Variants in CDC14B observed in about 807,000 individuals in gnomAD.
CDC14B encodes dual specificity protein phosphatase CDC14B.
In CDC14B, 22 loss-of-function variants were observed where a neutral mutation model predicts 64.2. The observed-to-expected ratio is 0.34, with a 90% CI of 0.24 to 0.49. The LOEUF (loss-of-function observed/expected upper bound fraction) is 0.49, where lower values mean the gene tolerates loss of function less well. CDC14B is among the 20% of genes least tolerant of loss of function. The probability of loss-of-function intolerance (pLI) is 0.99; values close to 1 mark genes in which losing one functional copy is unlikely to be tolerated. For missense variants in CDC14B, 498 were observed against 629.9 expected (o/e 0.79, Z 2.24); for synonymous variants, 191 against 215.8 (o/e 0.89, Z 1.01).
chr9:96,504,363 C>G (rs987831453), intron 13 of CDC14B, among the ~76,000 whole-genome samples: 1 of 152,120 alleles, frequency 6.6e-6, no homozygotes, highest in Non-Finnish European at 1.5e-5. Context: ...CAGTTCACGA[C>G]GCTACACTTT....
intron 1 of CDC14B, among the ~76,000 whole-genome samples, chr9:96,576,523 C>G (rs1265429869): frequency 1.3e-5 from 2 of 148,854 alleles, no homozygotes; most frequent in Non-Finnish European, 3.0e-5. Context: ...ATCCCAGATA[C>G]TCAGGAAGCT....
intron 5 of CDC14B, among the ~76,000 whole-genome samples, chr9:96,545,455 C>A (rs1341254964): frequency 2.0e-5 from 3 of 151,646 alleles, no homozygotes; most frequent in Non-Finnish European, 2.9e-5. Flanking sequence ...ATAACTGGGA[C>A]TACAGGCGCC....
At chr9:96,603,915 C>G (rs1031986229) in intron 1 of CDC14B, among the ~76,000 whole-genome samples, 4 of 152,180 alleles carry the variant, frequency 2.6e-5, no homozygotes, top group Non-Finnish European at 2.9e-5. Flanking sequence ...GATTAGAAAC[C>G]CTGGAACAAT....
chr9:96,595,910 C>G (rs1316101087), intron 1 of CDC14B, among the ~76,000 whole-genome samples: 2 of 152,064 alleles, frequency 1.3e-5, no homozygotes, highest in Non-Finnish European at 2.9e-5. Flanking sequence ...TCTACAAATA[C>G]TCCATTTATT....
At position 96,533,999 on chromosome 9, in the gene CDC14B, T is replaced by G; in HGVS notation, c.874A>C (p.Thr292Pro). 2 of 1,612,974 alleles carry G rather than the reference T, an allele frequency of 1.2e-6. No homozygotes were observed. The highest frequency in any genetic ancestry group is 2.2e-5 in the South Asian group (2 of 90,838). ...DLFFADGSTP[T>P]DAIVKEFLDI... ...AGGAATTCTTTGACAATGGCATCAGTAGGGGTGCTGCCATCCGCAAAGAAA... is the reference window on the plus strand; with the variant it reads ...AGGAATTCTTTGACAATGGCATCAGGAGGGGTGCTGCCATCCGCAAAGAAA... Residue 292 changes from threonine (T) to proline (P), a missense_variant, in exon 9 of 14, where the codon ACT becomes CCT. Transcript: ENST00000375241.
chr9:96,567,520 G>A (rs1224992335), intron 1 of CDC14B, among the ~76,000 whole-genome samples: 1 of 152,242 alleles, frequency 6.6e-6, no homozygotes, highest in African/African-American at 2.4e-5. Context: ...CAGAGAAAAC[G>A]CTTTTAATTG....
intron 1 of CDC14B, among the ~76,000 whole-genome samples, chr9:96,589,180 C>CA (rs11445529): frequency 0.06 from 8,996 of 150,828 alleles, 888 homozygotes; most frequent in African/African-American, 0.21. Flanking sequence ...TACTAAAATA[C>CA]AAAAAAAAAT....
intron 4 of CDC14B, among the ~76,000 whole-genome samples, chr9:96,560,555 T>G (rs1843006865): frequency 6.6e-6 from 1 of 151,670 alleles, no homozygotes; most frequent in African/African-American, 2.4e-5. Context: ...TTTTCTTTCT[T>G]GGGTTCATAC....
At position 96,548,860 on chromosome 9, in the gene CDC14B, T is replaced by C. The variant is rs146272398; in HGVS notation, c.497+2936A>G. 2.9e-4 allele frequency among the ~76,000 whole-genome samples: 44 copies of C among 151,732 alleles called. 1 individual carries two copies. In the East Asian group the frequency reaches 6.2e-3, roughly 21 times the overall value. On this transcript the variant is annotated intron_variant, in intron 5 of 13. Transcript: ENST00000375241. The stretch of plus-strand genomic sequence containing the variant: ...CTAAGTTGAATTAAATCTAATTAAA[T>C]AAAACATTGCTACAGAACATAAAAG...
intron 5 of CDC14B, among the ~76,000 whole-genome samples, chr9:96,546,657 C>G (rs1224821691): frequency 6.6e-6 from 1 of 151,988 alleles, no homozygotes; most frequent in East Asian, 2.0e-4. Flanking sequence ...ACCACGTTGG[C>G]CAGGCTCATC....
chr9:96,598,916 G>T (rs1186038024), intron 1 of CDC14B, among the ~76,000 whole-genome samples: 1 of 152,074 alleles, frequency 6.6e-6, no homozygotes, highest in Non-Finnish European at 1.5e-5. Context: ...TTCTATGTAG[G>T]TACAAAAAGA....
At chr9:96,568,555 G>C (rs981876154) in intron 1 of CDC14B, among the ~76,000 whole-genome samples, 3 of 152,198 alleles carry the variant, frequency 2.0e-5, no homozygotes, top group Non-Finnish European at 4.4e-5. Flanking sequence ...CTGTGGGTGG[G>C]AATATAAACT....
chr9:96,562,293 T>C (rs1173458137), intron 4 of CDC14B, among the ~76,000 whole-genome samples: 3 of 152,064 alleles, frequency 2.0e-5, no homozygotes, highest in African/African-American at 7.2e-5. Flanking sequence ...TTTTAGAAAA[T>C]TAATAGTGGG....
At chr9:96,618,924 C>A (rs1345349172) in intron 1 of CDC14B, among the ~76,000 whole-genome samples, 2 of 152,202 alleles carry the variant, frequency 1.3e-5, no homozygotes, top group East Asian at 3.9e-4. Flanking sequence ...TTCGAGGCGC[C>A]GGGCTGACGC....
At chr9:96,560,865 T>G (rs1445848022) in intron 4 of CDC14B, among the ~76,000 whole-genome samples, 1 of 152,070 alleles carries the variant, frequency 6.6e-6, no homozygotes, top group East Asian at 1.9e-4. Flanking sequence ...GAAACCAAAT[T>G]TTAATAGACA....
chr9:96,612,876 G>C (rs1046781754), intron 1 of CDC14B, among the ~76,000 whole-genome samples: 1 of 152,178 alleles, frequency 6.6e-6, no homozygotes, highest in East Asian at 1.9e-4. Flanking sequence ...AAAATATCCG[G>C]AAAACTGGGG....
At chr9:96,560,727 C>T (rs1206223947) in intron 4 of CDC14B, among the ~76,000 whole-genome samples, 3 of 150,236 alleles carry the variant, frequency 2.0e-5, no homozygotes, top group South Asian at 2.1e-4. Context: ...GGATTACAGG[C>T]GCCTGCCACC....
chr9:96,494,647 A>G (rs1224080868), intron 13 of CDC14B, among the ~76,000 whole-genome samples: 1 of 152,114 alleles, frequency 6.6e-6, no homozygotes, highest in Non-Finnish European at 1.5e-5. Context: ...GCCTTGGGCC[A>G]ATCAGTCCTC....
At chr9:96,587,398 G>A (rs944057735) in intron 1 of CDC14B, among the ~76,000 whole-genome samples, 3 of 152,106 alleles carry the variant, frequency 2.0e-5, no homozygotes, top group African/African-American at 7.2e-5. Flanking sequence ...CTGACAAGGG[G>A]GATCCTGACA....
Sources: allele counts gnomAD v4.1 joint callset (sites outside exome capture counted in the v4.1 genomes callset), GRCh38; gene constraint gnomAD v4.1.1; transcripts MANE v1.5; gene names NCBI Gene and HGNC (gene_info 2026-07-23, HGNC 2026-07-21).